The following ZNF430 variants were observed in gnomAD, a reference collection of about 807,000 sequenced individuals.
The protein encoded by ZNF430 is zinc finger protein 430.
A neutral mutation model predicts 56.7 loss-of-function variants in ZNF430; 35 were observed. That is an observed-to-expected ratio of 0.62 (90% CI 0.47 to 0.82). ZNF430 has a LOEUF of 0.82. Among genes scored for constraint, ZNF430 ranks in the 40% least tolerant of loss-of-function variants. ZNF430 has a pLI of 0.00. For missense variants in ZNF430, 574 were observed against 661.0 expected (o/e 0.87, Z 1.44); for synonymous variants, 212 against 224.3 (o/e 0.94, Z 0.49).
chr19:21,033,092 T>C (rs748801975), intron 2 of ZNF430, among the ~76,000 whole-genome samples: 15 of 152,106 alleles, frequency 9.9e-5, no homozygotes, highest in Non-Finnish European at 1.9e-4. Context: ...TGGTGGCTCA[T>C]GCCTGTAATC....
intron 4 of ZNF430, among the ~76,000 whole-genome samples, chr19:21,053,160 T>G (rs1446000804): frequency 6.6e-6 from 1 of 152,060 alleles, no homozygotes; most frequent in Non-Finnish European, 1.5e-5. Context: ...TTATCTATGT[T>G]GCAAACTAAC....
intron 4 of ZNF430, among the ~76,000 whole-genome samples, chr19:21,040,785 C>A (rs1649879412): frequency 2.6e-5 from 4 of 151,946 alleles, no homozygotes; most frequent in Non-Finnish European, 4.4e-5. Flanking sequence ...CTTGCTTTAC[C>A]TTTGCCAAAA....
chr19:21,049,321 G>A (rs8099916), intron 4 of ZNF430, among the ~76,000 whole-genome samples: 78,515 of 151,072 alleles, frequency 0.52, 23,733 homozygotes, highest in East Asian at 0.74. Context: ...TTTATATCTT[G>A]TATTTTTATA....
At chr19:21,034,970 G>A (rs773451139) in intron 4 of ZNF430, 5 of 151,962 alleles carry the variant, frequency 3.3e-5, no homozygotes, top group Admixed American at 6.6e-5. Flanking sequence ...CTATATTCTC[G>A]AAATATAGTT....
In ZNF430 at chr19:21,056,689, C is replaced by T. The variant is rs535240998; in HGVS notation, c.381C>T (p.Phe127=). 1.3e-6 allele frequency: 2 copies of T among 1,594,540 alleles called. No individual in the cohort carries two copies. The highest frequency in any genetic ancestry group is 2.2e-5 in the East Asian group (1 of 44,634). ...CAGAGCAGGGCATAAAAGATTCTTT[C>T]CAAGAAGTCATATTGAGAAGATATG... The part of the protein sequence containing the change: ...LWPEQGIKDS[F]QEVILRRYGK... Residue 127 remains phenylalanine, a synonymous_variant, in exon 5 of 5, where the codon TTC becomes TTT. Coordinates refer to ENST00000261560, the MANE Select transcript of ZNF430 (RefSeq NM_025189.4).
chr19:21,056,635 A>G lies in ZNF430; in HGVS notation c.327A>G (p.Thr109=), dbSNP rs746622822. The G allele has an allele frequency of 8.5e-5, 129 of 1,509,890 alleles. No homozygotes were observed. Among genetic ancestry groups the G allele is most frequent in the Non-Finnish European group, 1.1e-4 (123 of 1,130,536 alleles). 93.5% of individuals were successfully genotyped at this position (1,509,890 alleles called of 1,614,324 possible). The change falls in exon 5 of 5, where the codon ACA becomes ACG. Residue 109 remains threonine, a synonymous_variant. Transcript: ENST00000261560. ...TGTTATTTTTATTTCTTTCAGTTAC[A>G]TATTCTCATTTTGCCCAAGACCTTT... is the stretch of plus-strand genomic sequence containing the variant. ...RHAMVDQPPV[T]YSHFAQDLWP... is the part of the protein sequence containing the mutation.
chr19:21,057,007 C>A lies in ZNF430; in HGVS notation c.699C>A (p.Tyr233Ter), dbSNP rs1192054732. The stretch of plus-strand genomic sequence containing the variant: ...GAATTCATATTAGGGAAAATTCTTA[C>A]CAATGTGAAGAATGTGGTAAAGTCT... Reference protein sequence around the residue: ...HKRIHIRENSYQCEECGKVFN... With the variant: ...HKRIHIRENS Residue 233 changes from tyrosine to a stop codon, truncating the protein, a stop_gained, in exon 5 of 5, where the codon TAC becomes TAA. Transcript: ENST00000261560. LOFTEE classifies it high-confidence loss of function. 2.5e-6 allele frequency: 4 copies of A among 1,614,026 alleles called. No individual in the cohort carries two copies. In the East Asian group the frequency reaches 8.9e-5, roughly 36 times the overall value.
At position 21,042,673 on chromosome 19, in the gene ZNF430, C is replaced by T. The variant is rs746676925; in HGVS notation, c.322+8489C>T. On this transcript the variant is annotated intron_variant, in intron 4 of 4. Coordinates refer to ENST00000261560, the MANE Select transcript of ZNF430 (RefSeq NM_025189.4). ...CGTGGTGGCGGACGCCTGTGGTCCC[C>T]GCTACTTGGGAGGCTGAGGTAGGAG... is the stretch of plus-strand genomic sequence containing the variant. Among the ~76,000 whole-genome samples the T allele has an allele frequency of 9.2e-5, 14 of 151,844 alleles. No individual in the cohort carries two copies. In the South Asian group the frequency reaches 1.5e-3, roughly 16 times the overall value.
chr19:21,030,714 A>G (rs573585266), intron 2 of ZNF430, among the ~76,000 whole-genome samples: 1 of 152,154 alleles, frequency 6.6e-6, no homozygotes, highest in South Asian at 2.1e-4. Context: ...CAACATCAGC[A>G]TTGACAGGGA....
chr19:21,044,230 ACT>A (rs1005453365), intron 4 of ZNF430, among the ~76,000 whole-genome samples: 2 of 151,546 alleles, frequency 1.3e-5, no homozygotes, highest in Non-Finnish European at 2.9e-5. Flanking sequence ...ATCATAAATG[ACT>A]CTTATTATTT....
At chr19:21,035,027 C>T (rs1215665522) in intron 4 of ZNF430, 1 of 152,036 alleles carries the variant, frequency 6.6e-6, no homozygotes, top group African/African-American at 2.4e-5. Flanking sequence ...TTTTTCCTCA[C>T]GATTGCTTTG....
intron 4 of ZNF430, among the ~76,000 whole-genome samples, chr19:21,042,400 T>C (rs1968118362): frequency 6.6e-6 from 1 of 152,210 alleles, no homozygotes; most frequent in African/African-American, 2.4e-5. Flanking sequence ...TCTTCCACAA[T>C]GATTGAACTA....
chr19:21,028,658 G>C (rs1967846474), intron 2 of ZNF430, among the ~76,000 whole-genome samples: 1 of 152,092 alleles, frequency 6.6e-6, no homozygotes, highest in Non-Finnish European at 1.5e-5. Context: ...AGAGAAATGA[G>C]TCATTCTGTG....
intron 4 of ZNF430, among the ~76,000 whole-genome samples, chr19:21,046,618 T>A (rs1429606437): frequency 6.6e-6 from 1 of 152,132 alleles, no homozygotes; most frequent in African/African-American, 2.4e-5. Flanking sequence ...TCCTGGATAT[T>A]CTTGGTTGGA....
At chr19:21,034,208 A>G in intron 4 of ZNF430, 24 bp downstream of exon 4, 2 of 1,480,542 alleles carry the variant, frequency 1.4e-6, no homozygotes, top group Non-Finnish European at 1.8e-6. Flanking sequence ...AACACAACAG[A>G]CGACATGAAT....
chr19:21,055,078 T>G (rs1568593187), intron 4 of ZNF430, among the ~76,000 whole-genome samples: 1 of 152,132 alleles, frequency 6.6e-6, no homozygotes, highest in Non-Finnish European at 1.5e-5. Flanking sequence ...TACCCTCATT[T>G]TTCTGATTTT....
In ZNF430 at chr19:21,058,069, A is replaced by G. The variant is rs1197492400; in HGVS notation, c.*48A>G. 3 of 1,534,840 alleles carry G rather than the reference A, an allele frequency of 2.0e-6. No individual in the cohort carries two copies. Among genetic ancestry groups the G allele is most frequent in the Non-Finnish European group, 2.7e-6 (3 of 1,131,134 alleles). ...CCGTCCTGAATTCTTACTAAACATA[A>G]GAACATTCATACTGAAGAGGAACCC... On this transcript the variant is annotated 3_prime_UTR_variant, in exon 5 of 5. Coordinates refer to ENST00000261560, the MANE Select transcript of ZNF430 (RefSeq NM_025189.4).
intron 4 of ZNF430, among the ~76,000 whole-genome samples, chr19:21,040,864 T>C (rs909078711): frequency 6.6e-6 from 1 of 152,194 alleles, no homozygotes; most frequent in Admixed American, 6.5e-5. Context: ...TAGATAGATA[T>C]GATAGTTATA....
rs1968400750 is a variant in ZNF430, at chr19:21,057,486, T to C, written c.1178T>C (p.Ile393Thr). Residue 393 changes from isoleucine (I) to threonine (T), a missense_variant, in exon 5 of 5, where the codon ATA (isoleucine) becomes ACA (threonine). By Grantham distance (89) the Ile-to-Thr change is moderately conservative. Around this residue, in one of 3 missense-constraint regions of ZNF430, gnomAD observed 213 missense variants for 221.0 expected, o/e 0.96. Transcript: ENST00000261560. The part of the protein sequence containing the change: ...YRFSYLTKHK[I>T]IHTGEKFYKC... ...TTCTCATACCTTACTAAACATAAGA[T>C]AATTCATACTGGAGAGAAATTCTAC... 1.9e-6 allele frequency: 3 copies of C among 1,613,388 alleles called. No individual in the cohort carries two copies. The highest frequency in any genetic ancestry group is 2.5e-6 in the Non-Finnish European group (3 of 1,179,836).
Sources: gnomAD v4.1 joint callset for allele counts (sites outside exome capture counted in the v4.1 genomes callset) on GRCh38, gnomAD v4.1.1 for gene constraint, gnomAD v4.1.1 regional missense constraint, MANE v1.5 for transcripts, NCBI Gene and HGNC (gene_info 2026-07-23, HGNC 2026-07-21) for gene names.